The following VAV3 variants were observed in gnomAD, a reference collection of about 807,000 sequenced individuals.
VAV3 encodes the protein guanine nucleotide exchange factor VAV3.
Under a neutral mutation model 131.2 loss-of-function variants are expected in VAV3, and 94 were observed. The observed-to-expected ratio is 0.72, with a 90% CI of 0.61 to 0.85. The LOEUF (loss-of-function observed/expected upper bound fraction) is 0.85. Among genes scored for constraint, VAV3 ranks in the 40% least tolerant of loss-of-function variants. VAV3 has a pLI of 0.00. For synonymous variants in VAV3, 349 were observed against 342.0 expected (o/e 1.02, Z -0.22); for missense variants, 939 against 1,002.7 (o/e 0.94, Z 0.86).
intron 21 of VAV3, among the ~76,000 whole-genome samples, chr1:107,616,872 T>G (rs1418959013): frequency 6.6e-6 from 1 of 152,200 alleles, no homozygotes; most frequent in Non-Finnish European, 1.5e-5. Flanking sequence ...AAATTTCATT[T>G]ACTTTGGAGT....
At position 107,704,610 on chromosome 1, in the gene VAV3, C is replaced by T; in HGVS notation, c.1645G>A (p.Ala549Thr). Residue 549 changes from alanine to threonine, a missense_variant, in exon 17 of 27, where the codon GCG becomes ACG. Transcript: ENST00000370056. ...CCCAAACATTCTTTGTGTGCTCTCG[C>T]TCCACACTTAAAACATAAATAGCCT... ...YQGYLCFKCG[A>T]RAHKECLGRV... is the part of the protein sequence containing the mutation. 1 of 1,613,920 alleles carries T rather than the reference C, an allele frequency of 6.2e-7. No homozygotes were observed. The highest frequency in any genetic ancestry group is 1.3e-5 in the African/African-American group (1 of 75,042).
intron 2 of VAV3, among the ~76,000 whole-genome samples, chr1:107,842,690 T>G (rs1293600326): frequency 6.6e-6 from 1 of 152,156 alleles, no homozygotes; most frequent in East Asian, 1.9e-4. Context: ...TGTCCTTGGT[T>G]TTCTGGTTAT....
chr1:107,611,520 CCT>C (rs1183277185), intron 21 of VAV3, among the ~76,000 whole-genome samples: 1 of 151,346 alleles, frequency 6.6e-6, no homozygotes, highest in East Asian at 1.9e-4. Context: ...AAAAATATTT[CCT>C]CTTTCCCTCT....
chr1:107,946,376 C>T (rs913601722), intron 1 of VAV3, among the ~76,000 whole-genome samples: 2 of 152,176 alleles, frequency 1.3e-5, no homozygotes, highest in African/African-American at 4.8e-5. Flanking sequence ...AGTCATTTCA[C>T]AAATAAGTGA....
At chr1:107,695,863 T>G (rs537845861) in intron 17 of VAV3, among the ~76,000 whole-genome samples, 1 of 152,130 alleles carries the variant, frequency 6.6e-6, no homozygotes, top group African/African-American at 2.4e-5. Context: ...GATCTGTCCA[T>G]TAAAAGGTAG....
At chr1:107,802,916 TG>T (rs1425208054) in intron 2 of VAV3, among the ~76,000 whole-genome samples, 3 of 151,676 alleles carry the variant, frequency 2.0e-5, no homozygotes, top group Non-Finnish European at 4.4e-5. Context: ...AGAGTTGAAT[TG>T]GTATCAGTTC....
At chr1:107,929,056 T>C (rs896777732) in intron 1 of VAV3, among the ~76,000 whole-genome samples, 11 of 151,978 alleles carry the variant, frequency 7.2e-5, no homozygotes, top group Admixed American at 2.0e-4. Flanking sequence ...CAACCGGCAG[T>C]AGACTTTTCA....
At chr1:107,902,845 T>TA (rs750229723) in intron 1 of VAV3, among the ~76,000 whole-genome samples, 2 of 152,206 alleles carry the variant, frequency 1.3e-5, no homozygotes, top group Non-Finnish European at 2.9e-5. Flanking sequence ...CATTTATCTA[T>TA]ATCCATACCC....
At chr1:107,945,846 G>A (rs143581321) in intron 1 of VAV3, among the ~76,000 whole-genome samples, 12 of 137,148 alleles carry the variant, frequency 8.7e-5, no homozygotes, top group East Asian at 4.2e-4. Context: ...AAGAAAGAAA[G>A]AAAAGAAAAA....
At chr1:107,784,522 T>C (rs1408751978) in intron 2 of VAV3, among the ~76,000 whole-genome samples, 1 of 152,248 alleles carries the variant, frequency 6.6e-6, no homozygotes, top group Non-Finnish European at 1.5e-5. Context: ...AAAGGCATGA[T>C]ATTCAATATA....
intron 21 of VAV3, among the ~76,000 whole-genome samples, chr1:107,610,402 T>C (rs1652640256): frequency 6.6e-6 from 1 of 152,038 alleles, no homozygotes; most frequent in African/African-American, 2.4e-5. Flanking sequence ...TTTTATTATT[T>C]ATTATCAAGG....
At chr1:107,751,077 C>A (rs772894231) in intron 13 of VAV3, 40 bp downstream of exon 13, 9 of 1,573,966 alleles carry the variant, frequency 5.7e-6, no homozygotes, top group South Asian at 3.5e-5. Context: ...TTTTCTGACA[C>A]TAATTACTTA....
At chr1:107,927,874 T>C (rs959063140) in intron 1 of VAV3, among the ~76,000 whole-genome samples, 1 of 152,136 alleles carries the variant, frequency 6.6e-6, no homozygotes, top group Admixed American at 6.5e-5. Flanking sequence ...AAGGGAAGGA[T>C]ACAAGCCTGG....
intron 20 of VAV3, among the ~76,000 whole-genome samples, chr1:107,630,090 T>C (rs1406568860): frequency 6.6e-6 from 1 of 152,206 alleles, no homozygotes; most frequent in Non-Finnish European, 1.5e-5. Flanking sequence ...TCTAGATTTT[T>C]ATCTATAGGT....
At chr1:107,601,600 T>A (rs1291905693) in intron 24 of VAV3, among the ~76,000 whole-genome samples, 1 of 144,234 alleles carries the variant, frequency 6.9e-6, no homozygotes, top group Non-Finnish European at 1.5e-5. Context: ...ATGTCCTATA[T>A]CCAAACTCTT....
At chr1:107,602,807 C>T (rs1311283519) in intron 23 of VAV3, among the ~76,000 whole-genome samples, 1 of 152,078 alleles carries the variant, frequency 6.6e-6, no homozygotes, top group Non-Finnish European at 1.5e-5. Flanking sequence ...AATATACACA[C>T]ATCAAACCAC....
At chr1:107,791,791 T>C (rs1390021643) in intron 2 of VAV3, among the ~76,000 whole-genome samples, 1 of 152,162 alleles carries the variant, frequency 6.6e-6, no homozygotes, top group Non-Finnish European at 1.5e-5. Context: ...ACTCAGCAAA[T>C]AATTATTGAG....
intron 1 of VAV3, among the ~76,000 whole-genome samples, chr1:107,897,622 C>A (rs1182808503): frequency 6.6e-6 from 1 of 152,058 alleles, no homozygotes; most frequent in Non-Finnish European, 1.5e-5. Context: ...CCTGCACCAC[C>A]TCAGGTGCAT....
intron 2 of VAV3, among the ~76,000 whole-genome samples, chr1:107,792,285 T>C (rs774765202): frequency 1.3e-5 from 2 of 152,204 alleles, no homozygotes; most frequent in Non-Finnish European, 2.9e-5. Flanking sequence ...AGAAAACTTT[T>C]CAGTGTTAAA....
Sources: gnomAD v4.1 joint callset for allele counts (sites outside exome capture counted in the v4.1 genomes callset) on GRCh38, gnomAD v4.1.1 for gene constraint, MANE v1.5 for transcripts, NCBI Gene and HGNC (gene_info 2026-07-23, HGNC 2026-07-21) for gene names.